The following SLC17A7 variants were observed in gnomAD, a reference collection of about 807,000 sequenced individuals.
SLC17A7 encodes vesicular glutamate transporter 1.
SLC17A7 carries 15 observed loss-of-function variants against 59.1 expected under a neutral mutation model. The observed-to-expected ratio is 0.25, with a 90% CI of 0.17 to 0.39. SLC17A7 has a LOEUF of 0.39. Among genes scored for constraint, SLC17A7 ranks in the 10% least tolerant of loss-of-function variants. The pLI, the probability that SLC17A7 is intolerant of heterozygous loss-of-function variation, is 1.00. For missense variants in SLC17A7, 499 were observed against 765.1 expected, an observed-to-expected ratio of 0.65 and a Z score of 4.10; for synonymous variants, 353 against 308.9, an observed-to-expected ratio of 1.14 and a Z score of -1.50.
intron 3 of SLC17A7, 57 bp from the exon 4 acceptor site, chr19:49,434,939 G>T (rs1186795920): frequency 6.5e-7 from 1 of 1,529,652 alleles, no homozygotes; most frequent in South Asian, 1.1e-5. Context: ...CCGGGATTCT[G>T]CCTTTCCCGC....
At chr19:49,438,239 G>C (rs2078987410) in intron 1 of SLC17A7, 1 of 152,574 alleles carries the variant, frequency 6.6e-6, no homozygotes. Context: ...AGCAGACAGA[G>C]TCCCAAAGAG....
rs1335354678 is a variant in SLC17A7 at position 49,431,874 on chromosome 19, A to G, written c.1151-426T>C. Among the ~76,000 whole-genome samples, 4 of 152,028 alleles carry G rather than the reference A, an allele frequency of 2.6e-5. No homozygotes were observed. The highest frequency in any genetic ancestry group is 9.7e-5 in the African/African-American group (4 of 41,384). ...GGCTGGTCTCAAACTCCTGAGCTCA[A>G]GTGATCCACCGGCCTTCGCCTCCGA... On this transcript the variant is annotated intron_variant, in intron 9 of 11. Coordinates refer to ENST00000221485, the MANE Select transcript of SLC17A7 (RefSeq NM_020309.4). The surrounding 1 kb of genome is among the most constrained non-coding windows in gnomAD (Gnocchi z 4.6).
intron 1 of SLC17A7, 21 bp downstream of exon 1, chr19:49,441,297 C>T: frequency 3.7e-6 from 6 of 1,607,226 alleles, no homozygotes; most frequent in Non-Finnish European, 5.1e-6. Context: ...ACTCTTCTCC[C>T]GGGACCCCCG....
At chr19:49,440,546 C>G (rs1290513711) in intron 1 of SLC17A7, among the ~76,000 whole-genome samples, 1 of 152,092 alleles carries the variant, frequency 6.6e-6, no homozygotes. Context: ...GCTGTCCTAC[C>G]CCAGGAGCCG....
rs766934106 is a variant in SLC17A7, at chr19:49,441,348, A to G, written c.32T>C (p.Leu11Pro). Reference protein sequence around the residue: MEFRQEEFRKLAGRALGKLHR... With the variant: MEFRQEEFRKPAGRALGKLHR... ...CAGCTTCCCGAGAGCACGACCCGCT[A>G]GCTTCCGAAACTCCTCCTGGCGGAA... The change falls in exon 1 of 12, where the codon CTA becomes CCA. Residue 11 changes from leucine (L) to proline (P), a missense_variant. This residue lies in a region of SLC17A7 where 78 missense variants were observed against 80.4 expected (regional missense o/e 0.97). Coordinates refer to ENST00000221485, the MANE Select transcript of SLC17A7 (RefSeq NM_020309.4). 6 of 1,607,982 alleles carry G rather than the reference A, an allele frequency of 3.7e-6. No individual in the cohort carries two copies. Among genetic ancestry groups the G allele is most frequent in the Non-Finnish European group, 5.1e-6 (6 of 1,178,516 alleles).
At position 49,432,979 on chromosome 19, in the gene SLC17A7, G is replaced by A. The variant is rs1351357492; in HGVS notation, c.868-19C>T. 1.9e-6 allele frequency: 3 copies of A among 1,600,956 alleles called. No homozygotes were observed. In the South Asian group the frequency reaches 3.4e-5, roughly 18 times the overall value. ...TAAACTTCTGTGGGGGCGAGGGGAG[G>A]GCCGCTAAGACGGGGAGCGGGGCTG... On this transcript the variant is annotated intron_variant, in intron 7 of 11. Transcript: ENST00000221485.
Position 49,433,232 on chromosome 19 carries a change from CT to C in SLC17A7, c.868-273del. The C allele has an allele frequency of 2.0e-6, 1 of 490,904 alleles. No homozygotes were observed. Among genetic ancestry groups the C allele is most frequent in the Non-Finnish European group, 3.6e-6 (1 of 278,758 alleles). The allele number at this position is 490,904 out of a possible 1,614,324, so 30.4% of individuals were successfully genotyped here. ...GGGCCCCTCAGGGACCTGTCTTTTT[CT>C]TTTTTTCTTTTTATTTTTACTTTTT... is the stretch of plus-strand genomic sequence containing the variant. On this transcript the variant is annotated intron_variant, in intron 7 of 11. Coordinates refer to ENST00000221485, the MANE Select transcript of SLC17A7 (RefSeq NM_020309.4). This position sits in a 1 kb window ranked among gnomAD's most constrained non-coding sequence, Gnocchi z 5.7.
rs945350061 is a variant in SLC17A7, at chr19:49,434,584, G to T, written c.637+18C>A. Reference sequence around the variant, plus strand: ...CTCCTCCCTCAGATTCAGGAGTGAGGATCCCTCTTCCTCTCACCACAAAAG... The same window carrying T: ...CTCCTCCCTCAGATTCAGGAGTGAGTATCCCTCTTCCTCTCACCACAAAAG... On this transcript the variant is annotated intron_variant, in intron 5 of 11. Coordinates refer to ENST00000221485, the MANE Select transcript of SLC17A7 (RefSeq NM_020309.4). 26 of 1,589,764 alleles carry T rather than the reference G, an allele frequency of 1.6e-5. No homozygotes were observed. In the Admixed American group the frequency reaches 2.1e-4, roughly 13 times the overall value.
At position 49,431,593 on chromosome 19, in the gene SLC17A7, G is replaced by A. The variant is rs2078960269; in HGVS notation, c.1151-145C>T. 4.6e-6 allele frequency: 3 copies of A among 657,028 alleles called. No individual in the cohort carries two copies. The highest frequency in any genetic ancestry group is 5.2e-6 in the Non-Finnish European group (2 of 381,638). The allele number at this position is 657,028 out of a possible 1,614,324, so 40.7% of individuals were successfully genotyped here. On this transcript the variant is annotated intron_variant, in intron 9 of 11. Coordinates refer to ENST00000221485, the MANE Select transcript of SLC17A7 (RefSeq NM_020309.4). The surrounding 1 kb of genome is among the most constrained non-coding windows in gnomAD (Gnocchi z 4.6). Reference sequence around the variant, plus strand: ...GCCACCTCCACGCCCAGGCCTCTTCGCGCCCTCCACGCCACCCGCACCCAC... The same window carrying A: ...GCCACCTCCACGCCCAGGCCTCTTCACGCCCTCCACGCCACCCGCACCCAC...
In SLC17A7 at chr19:49,433,595, T is replaced by C. The variant is rs1458920383; in HGVS notation, c.867+131A>G. On this transcript the variant is annotated intron_variant, in intron 7 of 11. Coordinates refer to ENST00000221485, the MANE Select transcript of SLC17A7 (RefSeq NM_020309.4). This position sits in a 1 kb window ranked among gnomAD's most constrained non-coding sequence, Gnocchi z 5.7. Reference sequence around the variant, plus strand: ...GCGGGTTGCAACCCGCCTCCTAGGTTCTAGCCCCTCTCTTTGCGTTCCAGT... The same window carrying C: ...GCGGGTTGCAACCCGCCTCCTAGGTCCTAGCCCCTCTCTTTGCGTTCCAGT... 2.5e-5 allele frequency: 34 copies of C among 1,358,006 alleles called. No individual in the cohort carries two copies. Among genetic ancestry groups the C allele is most frequent in the Non-Finnish European group, 3.4e-5 (33 of 970,378 alleles). The allele number at this position is 1,358,006 out of a possible 1,614,324, so 84.1% of individuals were successfully genotyped here.
At chr19:49,441,241 T>A in intron 1 of SLC17A7, 77 bp downstream of exon 1, 1 of 1,557,892 alleles carries the variant, frequency 6.4e-7, no homozygotes, top group South Asian at 1.2e-5. Context: ...CGTTCATCTG[T>A]CAGTCTGCGC....
At chr19:49,437,914 GA>G (rs1276068036) in intron 1 of SLC17A7, 1 of 149,128 alleles carries the variant, frequency 6.7e-6, no homozygotes, top group African/African-American at 2.5e-5. Flanking sequence ...AATAACAGGG[GA>G]GCAGAGACCC....
intron 3 of SLC17A7, 52 bp downstream of exon 3, chr19:49,435,116 C>T: frequency 7.2e-7 from 1 of 1,394,482 alleles, no homozygotes; most frequent in Non-Finnish European, 1.0e-6. Context: ...CGCCCTCTAA[C>T]TCCACCCACA....
At chr19:49,432,483 C>T (rs1568634028) in intron 9 of SLC17A7, 36 bp downstream of exon 9, 1 of 1,599,174 alleles carries the variant, frequency 6.3e-7, no homozygotes, top group Admixed American at 1.7e-5. Context: ...TCCACCCAGG[C>T]TGTCCTAGAG....
intron 1 of SLC17A7, among the ~76,000 whole-genome samples, chr19:49,441,067 C>G (rs1355094115): frequency 6.6e-6 from 1 of 151,564 alleles, no homozygotes; most frequent in Admixed American, 6.6e-5. Context: ...GCCAGAGACC[C>G]GGGAGAGAGG....
At position 49,436,310 on chromosome 19, in the gene SLC17A7, A is replaced by T; in HGVS notation, c.315+239T>A. ...GTTGGGGCGGACTCTACATTTTTCAATCAAGCCCCTGGAAATAAGGGCGGG... is the reference window on the plus strand; with the variant it reads ...GTTGGGGCGGACTCTACATTTTTCATTCAAGCCCCTGGAAATAAGGGCGGG... On this transcript the variant is annotated intron_variant, in intron 2 of 11. Coordinates refer to ENST00000221485, the MANE Select transcript of SLC17A7 (RefSeq NM_020309.4). This position sits in a 1 kb window ranked among gnomAD's most constrained non-coding sequence, Gnocchi z 4.1. The T allele has an allele frequency of 1.7e-6, 1 of 577,648 alleles. No homozygotes were observed. The allele number at this position is 577,648 out of a possible 1,614,324, so 35.8% of individuals were successfully genotyped here.
rs2078960087 is a variant in SLC17A7 at position 49,431,552 on chromosome 19, T to C, written c.1151-104A>G. 1 of 924,342 alleles carries C rather than the reference T, an allele frequency of 1.1e-6. No homozygotes were observed. Among genetic ancestry groups the C allele is most frequent in the Non-Finnish European group, 1.7e-6 (1 of 602,254 alleles). The allele number at this position is 924,342 out of a possible 1,614,324, so 57.3% of individuals were successfully genotyped here. On this transcript the variant is annotated intron_variant, in intron 9 of 11. Coordinates refer to ENST00000221485, the MANE Select transcript of SLC17A7 (RefSeq NM_020309.4). The surrounding 1 kb of genome is among the most constrained non-coding windows in gnomAD (Gnocchi z 4.6). The stretch of plus-strand genomic sequence containing the variant: ...ACCTGCTCCAGCCCCAAACCGCGTC[T>C]ATCCACCCCAGTCTGGCCACCTCCA...
chr19:49,433,788 C>T lies in SLC17A7; in HGVS notation c.805G>A (p.Glu269Lys). Residue 269 changes from glutamate (E) to lysine (K), a missense_variant, in exon 7 of 12, where the codon GAG becomes AAG. Glu to Lys is a moderately conservative substitution (Grantham distance 56). Coordinates refer to ENST00000221485, the MANE Select transcript of SLC17A7 (RefSeq NM_020309.4). This position sits in a 1 kb window ranked among gnomAD's most constrained non-coding sequence, Gnocchi z 5.7. ...SPALHPSISE[E>K]ERKYIEDAIG... ...GCGTCCTCGATGTACTTGCGCTCCT[C>T]CTCCGAGATGCTGGGGTGCAGCGCG... The T allele has an allele frequency of 6.2e-7, 1 of 1,614,096 alleles. No homozygotes were observed. The highest frequency in any genetic ancestry group is 2.2e-5 in the East Asian group (1 of 44,876).
chr19:49,441,111 G>C (rs1395532476), intron 1 of SLC17A7, among the ~76,000 whole-genome samples: 2 of 152,084 alleles, frequency 1.3e-5, no homozygotes, highest in Admixed American at 1.3e-4. Context: ...GAGCCGGGTG[G>C]GGTGGGGTGC....
Sources: gnomAD v4.1 joint callset for allele counts (sites outside exome capture counted in the v4.1 genomes callset) on GRCh38, gnomAD v4.1.1 for gene constraint, gnomAD v4.1.1 regional missense constraint, Gnocchi (gnomAD v3.1) non-coding constraint, MANE v1.5 for transcripts, NCBI Gene and HGNC (gene_info 2026-07-23, HGNC 2026-07-21) for gene names.